The following USP40 variants were observed in gnomAD, a reference collection of about 807,000 sequenced individuals.
USP40 encodes the protein ubiquitin specific peptidase 40.
A neutral mutation model predicts 166.2 loss-of-function variants in USP40; 143 were observed. The observed-to-expected ratio is 0.86, with a 90% CI of 0.75 to 0.99. The LOEUF is 0.99. Ranked by LOEUF, USP40 falls within the 50% of genes least tolerant of loss-of-function variation. The pLI is 0.00. For missense variants in USP40, 1,444 were observed against 1,479.7 expected, an observed-to-expected ratio of 0.98 and a Z score of 0.40; for synonymous variants, 498 against 524.0, an observed-to-expected ratio of 0.95 and a Z score of 0.68.
chr2:233,510,255 A>T (rs1178920084), intron 20 of USP40, 120 bp from the exon 21 acceptor site: 2 of 689,148 alleles, frequency 2.9e-6, no homozygotes, highest in African/African-American at 3.6e-5. Flanking sequence ...AAAAATCTCA[A>T]TTTATATGAA....
chr2:233,515,258 G>T (rs1022683229), intron 18 of USP40, among the ~76,000 whole-genome samples: 5 of 152,182 alleles, frequency 3.3e-5, no homozygotes, highest in African/African-American at 1.2e-4. Context: ...CCTAGACGTA[G>T]AATTGGTAAG....
At chr2:233,518,331 C>A (rs2067397128) in intron 18 of USP40, among the ~76,000 whole-genome samples, 1 of 145,786 alleles carries the variant, frequency 6.9e-6, no homozygotes, top group Non-Finnish European at 1.5e-5. Context: ...CTTTGGGAGG[C>A]CGAGGTGGGC....
intron 30 of USP40, among the ~76,000 whole-genome samples, chr2:233,484,889 T>G (rs1038014974): frequency 3.3e-5 from 5 of 152,220 alleles, no homozygotes; most frequent in African/African-American, 7.2e-5. Context: ...AGGGAATTCA[T>G]TGCCCGTGTT....
rs1452312225 is a variant in USP40, at chr2:233,494,966, AT to A, written c.2791-1416del. Among the ~76,000 whole-genome samples, 4 of 101,992 alleles carry A rather than the reference AT, an allele frequency of 3.9e-5. 1 individual carries two copies. The highest frequency in any genetic ancestry group is 1.7e-4 in the African/African-American group (4 of 22,888). 66.9% of individuals were successfully genotyped at this position (101,992 alleles called of 152,430 possible). A position where few individuals can be genotyped will look rare whatever the true frequency, so the allele number is the denominator to read the frequency against. On this transcript the variant is annotated intron_variant, in intron 24 of 31. Transcript: ENST00000678225. ...TATATATATATATATTTATATATAT[AT>A]ATATATATATATACACACACATAAA...
chr2:233,498,674 C>G, intron 22 of USP40, 62 bp from the exon 23 acceptor site: 2 of 1,395,002 alleles, frequency 1.4e-6, no homozygotes, highest in Non-Finnish European at 2.0e-6. Flanking sequence ...TTGCGTGTAA[C>G]TTCTAGAAGA....
At chr2:233,490,160 CTTTTTTTTTTT>C (rs545796570) in intron 26 of USP40, among the ~76,000 whole-genome samples, 4,479 of 131,718 alleles carry the variant, frequency 0.034, 240 homozygotes, top group African/African-American at 0.12. Flanking sequence ...TTCTTTTCTC[CTTTTTTTTTTT>C]TTTTTTTTTT....
chr2:233,533,393 T>TA, intron 11 of USP40, 86 bp downstream of exon 11: 2 of 1,391,764 alleles, frequency 1.4e-6, no homozygotes, highest in Middle Eastern at 1.9e-4. Flanking sequence ...AACCTTTTTT[T>TA]AAAAGAATAA....
At chr2:233,516,257 C>G (rs979874178) in intron 18 of USP40, among the ~76,000 whole-genome samples, 2 of 152,078 alleles carry the variant, frequency 1.3e-5, no homozygotes, top group African/African-American at 4.8e-5. Flanking sequence ...CTCTTGTTTT[C>G]AAAAGTGTTA....
intron 20 of USP40, 73 bp from the exon 21 acceptor site, chr2:233,510,208 C>A (rs1405156013): frequency 1.6e-6 from 2 of 1,214,958 alleles, no homozygotes; most frequent in Non-Finnish European, 2.3e-6. Flanking sequence ...TATTTACTTT[C>A]AAAAATGTAA....
intron 22 of USP40, 127 bp from the exon 23 acceptor site, chr2:233,498,739 C>G: frequency 1.4e-6 from 1 of 718,942 alleles, no homozygotes; most frequent in South Asian, 2.0e-5. Context: ...AGCTATGGGC[C>G]TCCATGTTAA....
intron 11 of USP40, among the ~76,000 whole-genome samples, chr2:233,531,983 C>T (rs1213743741): frequency 6.6e-6 from 1 of 152,120 alleles, no homozygotes; most frequent in East Asian, 1.9e-4. Context: ...AACACCCTAA[C>T]TTTCCATTCC....
At chr2:233,479,049 C>G (rs78729892) in intron 31 of USP40, among the ~76,000 whole-genome samples, 1,633 of 152,300 alleles carry the variant, frequency 0.011, 20 homozygotes, top group East Asian at 0.029. Flanking sequence ...CACCAGTGGT[C>G]TACTGTTGTG....
Position 233,521,044 on chromosome 2 carries a change from A to G in USP40, c.2272T>C (p.Cys758Arg), listed in dbSNP as rs2067613995. 2 of 1,613,616 alleles carry G rather than the reference A, an allele frequency of 1.2e-6. No homozygotes were observed. The highest frequency in any genetic ancestry group is 1.7e-6 in the Non-Finnish European group (2 of 1,179,676). Residue 758 changes from cysteine (C) to arginine (R), a missense_variant, in exon 17 of 32, where the codon TGC becomes CGC. Coordinates refer to ENST00000678225, the MANE Select transcript of USP40 (RefSeq NM_001365479.2). ...EIDWLHVKNL[C>R]QLESEEKQVK... ...TGCTTCTCTTCAGATTCTAACTGGC[A>G]TAAATTTTTAACGTGGAGCCAGTCA...
At chr2:233,549,684 A>G (rs2125348240) in intron 7 of USP40, among the ~76,000 whole-genome samples, 1 of 152,004 alleles carries the variant, frequency 6.6e-6, no homozygotes, top group African/African-American at 2.4e-5. Flanking sequence ...ATTGTCCTCT[A>G]TTTCAACTAG....
intron 21 of USP40, among the ~76,000 whole-genome samples, 154 bp from the exon 22 acceptor site, chr2:233,500,069 C>T (rs757830099): frequency 1.3e-5 from 2 of 152,132 alleles, no homozygotes; most frequent in East Asian, 1.9e-4. Context: ...AGATAATACA[C>T]GAGTCAGCTT....
intron 8 of USP40, among the ~76,000 whole-genome samples, chr2:233,548,879 A>T (rs1189223011): frequency 1.3e-5 from 2 of 152,124 alleles, no homozygotes; most frequent in African/African-American, 2.4e-5. Context: ...ATCTAGGTAA[A>T]GGGTATACAG....
At chr2:233,522,375 A>G (rs968590020) in intron 16 of USP40, among the ~76,000 whole-genome samples, 4 of 152,204 alleles carry the variant, frequency 2.6e-5, no homozygotes, top group Non-Finnish European at 4.4e-5. Context: ...TAAACAAGGT[A>G]GGGAATGTCT....
chr2:233,482,924 T>C (rs999689743), intron 30 of USP40, among the ~76,000 whole-genome samples: 1 of 152,266 alleles, frequency 6.6e-6, no homozygotes, highest in Non-Finnish European at 1.5e-5. Flanking sequence ...GATTCTCTTT[T>C]CATGTGTTTC....
chr2:233,499,808 T>G, intron 22 of USP40, 71 bp downstream of exon 22: 14 of 1,415,118 alleles, frequency 9.9e-6, no homozygotes, highest in Non-Finnish European at 1.4e-5. Flanking sequence ...CCTACAACCC[T>G]GGAGAAAAAA....
Sources: gnomAD v4.1 joint callset for allele counts (sites outside exome capture counted in the v4.1 genomes callset) on GRCh38, gnomAD v4.1.1 for gene constraint, MANE v1.5 for transcripts, NCBI Gene and HGNC (gene_info 2026-07-23, HGNC 2026-07-21) for gene names.